The following SLC4A10 variants were observed in gnomAD, a reference collection of about 807,000 sequenced individuals.
SLC4A10 encodes the protein sodium-driven chloride bicarbonate exchanger.
SLC4A10 carries 42 observed loss-of-function variants against 137.7 expected under a neutral mutation model. The observed-to-expected ratio is 0.30, with a 90% CI of 0.24 to 0.39. The LOEUF is 0.39. SLC4A10 is among the 10% of genes least tolerant of loss of function. The pLI is 1.00. For missense variants in SLC4A10, 925 were observed against 1,355.0 expected (o/e 0.68, Z 4.98); for synonymous variants, 474 against 464.1 (o/e 1.02, Z -0.27).
At chr2:161,786,118 A>G (rs1344634417) in intron 2 of SLC4A10, among the ~76,000 whole-genome samples, 2 of 151,896 alleles carry the variant, frequency 1.3e-5, no homozygotes, top group East Asian at 3.8e-4. Context: ...GGGTATAAAT[A>G]TATTTAGGAT....
chr2:161,748,154 A>G (rs2048572755), intron 1 of SLC4A10, among the ~76,000 whole-genome samples: 1 of 152,106 alleles, frequency 6.6e-6, no homozygotes, highest in Non-Finnish European at 1.5e-5. Context: ...AGTTCCTTAT[A>G]TATTTTGGAA....
chr2:161,767,141 G>A (rs867016725), intron 1 of SLC4A10, among the ~76,000 whole-genome samples: 417 of 79,866 alleles, frequency 5.2e-3, no homozygotes, highest in Non-Finnish European at 7.4e-3. Context: ...ATATATATAT[G>A]TGTGTGTGTG....
chr2:161,872,517 A>C (rs2061193503), intron 7 of SLC4A10, 133 bp downstream of exon 7: 2 of 608,744 alleles, frequency 3.3e-6, no homozygotes, highest in Non-Finnish European at 5.6e-6. Flanking sequence ...TTGTTACAGA[A>C]AATGTTAGCA....
chr2:161,873,972 T>A lies in SLC4A10; in HGVS notation c.915T>A (p.His305Gln). 1 of 1,594,178 alleles carries A rather than the reference T, an allele frequency of 6.3e-7. No homozygotes were observed. Among genetic ancestry groups the A allele is most frequent in the Non-Finnish European group, 8.5e-7 (1 of 1,177,840 alleles). ...GTCCATGTGGGATGAAACAAAGGCA[T>A]GAAAAAGGACCTCCACACCAGCAAG... Reference protein sequence around the residue: ...HTSPCGMKQRHEKGPPHQQER... With the variant: ...HTSPCGMKQRQEKGPPHQQER... Residue 305 changes from histidine to glutamine, a missense_variant, in exon 8 of 27, where the codon CAT (histidine) becomes CAA (glutamine). Around this residue, in one of 11 missense-constraint regions of SLC4A10, gnomAD observed 277 missense variants for 306.1 expected, o/e 0.90. Coordinates refer to ENST00000446997, the MANE Select transcript of SLC4A10 (RefSeq NM_001178015.2).
At chr2:161,920,619 A>G (rs1225709249) in intron 15 of SLC4A10, among the ~76,000 whole-genome samples, 1 of 152,188 alleles carries the variant, frequency 6.6e-6, no homozygotes, top group Non-Finnish European at 1.5e-5. Flanking sequence ...TCTAAAGATG[A>G]ATTTTGTGTT....
intron 22 of SLC4A10, 47 bp from the exon 23 acceptor site, chr2:161,965,004 C>T (rs916997469): frequency 7.6e-6 from 12 of 1,569,926 alleles, no homozygotes; most frequent in South Asian, 1.2e-5. Context: ...CTACACCTCT[C>T]GTTTTAATTT....
At chr2:161,934,138 G>A (rs986395866) in intron 15 of SLC4A10, among the ~76,000 whole-genome samples, 2 of 152,160 alleles carry the variant, frequency 1.3e-5, no homozygotes, top group East Asian at 1.9e-4. Context: ...TACCTCAAGC[G>A]TTTGTTCTTT....
In SLC4A10 at chr2:161,966,743, A is replaced by AAAAAAAAC. The variant is rs1553645656; in HGVS notation, c.3159+1576_3159+1577insACAAAAAA. 7.5e-4 allele frequency among the ~76,000 whole-genome samples: 112 copies of AAAAAAAAC among 149,784 alleles called. 1 individual carries two copies. The highest frequency in any genetic ancestry group is 1.5e-3 in the South Asian group (7 of 4,770). On this transcript the variant is annotated intron_variant, in intron 23 of 26. Coordinates refer to ENST00000446997, the MANE Select transcript of SLC4A10 (RefSeq NM_001178015.2). ...AGAGCGAGACTCCGTCTCAAAAAAA[A>AAAAAAAAC]AAAAAACAAAAAACTTTGACTAGGA...
intron 8 of SLC4A10, among the ~76,000 whole-genome samples, chr2:161,876,465 G>A (rs1338242582): frequency 5.9e-5 from 9 of 152,070 alleles, no homozygotes; most frequent in South Asian, 2.1e-4. Context: ...GATCACTTGA[G>A]CTTAGGAGTT....
intron 5 of SLC4A10, among the ~76,000 whole-genome samples, chr2:161,861,999 T>C (rs2060460527): frequency 6.6e-6 from 1 of 152,172 alleles, no homozygotes; most frequent in African/African-American, 2.4e-5. Context: ...TGTTAATGCC[T>C]AAAAAACAAT....
chr2:161,937,574 C>A (rs191277688), intron 15 of SLC4A10, among the ~76,000 whole-genome samples: 1 of 152,250 alleles, frequency 6.6e-6, no homozygotes, highest in East Asian at 1.9e-4. Flanking sequence ...GTAGCCCAGA[C>A]TTTTTTATAG....
chr2:161,756,732 T>C (rs2049692465), intron 1 of SLC4A10, among the ~76,000 whole-genome samples: 1 of 152,146 alleles, frequency 6.6e-6, no homozygotes. Context: ...ACTATTTCTC[T>C]TCCTACAGTC....
At position 161,984,658 on chromosome 2, in the gene SLC4A10, C is replaced by A. The variant is rs1454236681; in HGVS notation, c.*1506C>A. ...TACATTTTGAGACCTTTTAAAAATT[C>A]CCCTCACAATTCTTTAAGGAGCCCC... is the stretch of plus-strand genomic sequence containing the variant. On this transcript the variant is annotated 3_prime_UTR_variant, in exon 27 of 27. Coordinates refer to ENST00000446997, the MANE Select transcript of SLC4A10 (RefSeq NM_001178015.2). 1.3e-5 allele frequency: 2 copies of A among 152,014 alleles called. No homozygotes were observed. Among genetic ancestry groups the A allele is most frequent in the African/African-American group, 4.8e-5 (2 of 41,414 alleles). 9.4% of individuals were successfully genotyped at this position (152,014 alleles called of 1,614,324 possible).
chr2:161,736,141 T>C (rs2047319595), intron 1 of SLC4A10, among the ~76,000 whole-genome samples: 1 of 152,118 alleles, frequency 6.6e-6, no homozygotes, highest in Admixed American at 6.5e-5. Flanking sequence ...ATATATTTTT[T>C]CTTTTTAGAT....
At chr2:161,761,536 C>T (rs2050252953) in intron 1 of SLC4A10, among the ~76,000 whole-genome samples, 1 of 151,912 alleles carries the variant, frequency 6.6e-6, no homozygotes, top group South Asian at 2.1e-4. Context: ...GAAGGACCCT[C>T]AAGAACAAGT....
chr2:161,904,420 G>A (rs919418137), intron 13 of SLC4A10, among the ~76,000 whole-genome samples: 5 of 151,996 alleles, frequency 3.3e-5, no homozygotes, highest in Non-Finnish European at 4.4e-5. Context: ...TGCCCTCAGC[G>A]CCCCCAATCC....
chr2:161,769,865 A>T (rs1400575779), intron 1 of SLC4A10, among the ~76,000 whole-genome samples: 2 of 151,866 alleles, frequency 1.3e-5, no homozygotes, highest in East Asian at 3.9e-4. Context: ...ACTACTACAT[A>T]TTATGGCACT....
chr2:161,767,891 CA>C (rs1302960346), intron 1 of SLC4A10, among the ~76,000 whole-genome samples: 2 of 151,978 alleles, frequency 1.3e-5, no homozygotes, highest in Non-Finnish European at 2.9e-5. Flanking sequence ...TTGTTCAGAA[CA>C]TCTCTGAATA....
intron 1 of SLC4A10, among the ~76,000 whole-genome samples, chr2:161,684,125 G>A (rs62188990): frequency 0.076 from 11,502 of 152,120 alleles, 545 homozygotes; most frequent in East Asian, 0.14. Context: ...TCATATAAGT[G>A]GAATCATATA....
Sources: gnomAD v4.1 joint callset for allele counts (sites outside exome capture counted in the v4.1 genomes callset) on GRCh38, gnomAD v4.1.1 for gene constraint, gnomAD v4.1.1 regional missense constraint, MANE v1.5 for transcripts, NCBI Gene and HGNC (gene_info 2026-07-23, HGNC 2026-07-21) for gene names.